SDHAF4: variants seen among roughly 807,000 people sequenced by gnomAD.
SDHAF4 encodes the protein succinate dehydrogenase assembly factor 4, mitochondrial.
A neutral mutation model predicts 14.3 loss-of-function variants in SDHAF4; 14 were observed. That is an observed-to-expected ratio of 0.98 (90% CI 0.65 to 1.53). The LOEUF (loss-of-function observed/expected upper bound fraction) is 1.53, where lower values mean the gene tolerates loss of function less well. Among genes scored for constraint, SDHAF4 ranks in the 40% most tolerant of loss-of-function variants. The pLI is 0.00. For missense variants in SDHAF4, 141 were observed against 129.3 expected (o/e 1.09, Z -0.44); for synonymous variants, 63 against 47.3 (o/e 1.33, Z -1.36).
chr6:70,572,932 G>C (rs924805613), intron 1 of SDHAF4, among the ~76,000 whole-genome samples: 2 of 152,100 alleles, frequency 1.3e-5, no homozygotes, highest in Non-Finnish European at 2.9e-5. Context: ...GTATGTTAAA[G>C]CATTTTCTCT....
chr6:70,570,235 A>T (rs1038239933), intron 1 of SDHAF4, among the ~76,000 whole-genome samples: 1 of 152,198 alleles, frequency 6.6e-6, no homozygotes, highest in African/African-American at 2.4e-5. Context: ...TTACCTTATT[A>T]ATTTAAATAA....
intron 1 of SDHAF4, among the ~76,000 whole-genome samples, chr6:70,575,062 G>A (rs1802235471): frequency 6.6e-6 from 1 of 152,148 alleles, no homozygotes; most frequent in Admixed American, 6.5e-5. Flanking sequence ...TGAAAGCTCT[G>A]TATCCTACGA....
At chr6:70,587,168 T>TCTCACACACACACACACACA (rs1554183341) in intron 2 of SDHAF4, among the ~76,000 whole-genome samples, 1 of 135,448 alleles carries the variant, frequency 7.4e-6, no homozygotes, top group African/African-American at 2.8e-5. Flanking sequence ...TGAAACTCCA[T>TCTCACACACACACACACACA]CACACACACA....
Position 70,588,842 on chromosome 6 carries a change from A to AATATATATATATATATATATATAT in SDHAF4, c.*132_*133insATATATATATATATATATATATAT, listed in dbSNP as rs70990317. 4.5e-3 allele frequency: 1,544 copies of AATATATATATATATATATATATAT among 342,546 alleles called. 40 individuals carry two copies. Among genetic ancestry groups the AATATATATATATATATATATATAT allele is most frequent in the South Asian group, 7.7e-3 (153 of 19,776 alleles). The allele number at this position is 342,546 out of a possible 1,614,324, so 21.2% of individuals were successfully genotyped here. A position where few individuals can be genotyped will look rare whatever the true frequency, so the allele number is the denominator to read the frequency against. ...TCGTGTAGTTTGTATAATGTGTTTA[A>AATATATATATATATATATATATAT]ATATATATATATATGATGGCTTTGG... On this transcript the variant is annotated 3_prime_UTR_variant, in exon 3 of 3. Transcript: ENST00000370474.
chr6:70,569,615 G>A (rs897671836), intron 1 of SDHAF4, among the ~76,000 whole-genome samples: 3 of 152,254 alleles, frequency 2.0e-5, no homozygotes, highest in African/African-American at 7.2e-5. Flanking sequence ...TTTTAGTTAC[G>A]TAAGTGTCAA....
At chr6:70,592,389 C>T (rs1285090864), downstream of SDHAF4, among the ~76,000 whole-genome samples, 4 of 152,124 alleles carry the variant, frequency 2.6e-5, no homozygotes, top group South Asian at 2.1e-4. Flanking sequence ...CTAGAGATTA[C>T]TTAAGTGGTC....
chr6:70,593,589 A>C (rs1423063958), downstream of SDHAF4, among the ~76,000 whole-genome samples: 1 of 152,362 alleles, frequency 6.6e-6, no homozygotes, highest in African/African-American at 2.4e-5. Context: ...AGCCATAGGC[A>C]TGAGATTGCC....
intron 2 of SDHAF4, among the ~76,000 whole-genome samples, chr6:70,587,353 A>G (rs12189779): frequency 0.15 from 22,308 of 151,954 alleles, 2,281 homozygotes; most frequent in East Asian, 0.34. Flanking sequence ...AGCCAGGCAC[A>G]TAGTGGTGTG....
At chr6:70,597,681 A>G in the SDHAF4 span, among the ~76,000 whole-genome samples, 6 of 152,136 alleles carry the variant, frequency 3.9e-5, no homozygotes, top group African/African-American at 1.2e-4. Flanking sequence ...CTCTTCAGAG[A>G]CCTGGATTTT....
intron 1 of SDHAF4, among the ~76,000 whole-genome samples, chr6:70,568,481 T>C (rs996947312): frequency 6.6e-6 from 1 of 152,232 alleles, no homozygotes; most frequent in Non-Finnish European, 1.5e-5. Context: ...GTTTTCATAT[T>C]GTTGATTTTT....
At chr6:70,579,679 A>T in intron 2 of SDHAF4, 113 bp downstream of exon 2, 1 of 822,546 alleles carries the variant, frequency 1.2e-6, no homozygotes, top group Non-Finnish European at 1.8e-6. Flanking sequence ...CTGTAGTAAT[A>T]AAGCATATTT....
intron 1 of SDHAF4, among the ~76,000 whole-genome samples, chr6:70,572,776 A>G (rs1447608067): frequency 6.6e-6 from 1 of 152,056 alleles, no homozygotes; most frequent in East Asian, 1.9e-4. Flanking sequence ...AATTACTGAT[A>G]AAATTACATT....
chr6:70,577,345 T>C (rs1334705613), intron 1 of SDHAF4, among the ~76,000 whole-genome samples: 1 of 151,494 alleles, frequency 6.6e-6, no homozygotes, highest in African/African-American at 2.4e-5. Flanking sequence ...AGCTAGAACT[T>C]GTACTCAAAT....
chr6:70,579,077 G>A (rs916791516), intron 1 of SDHAF4, among the ~76,000 whole-genome samples: 2 of 152,192 alleles, frequency 1.3e-5, no homozygotes, highest in African/African-American at 4.8e-5. Flanking sequence ...ACTAAATATT[G>A]TCATTGAAAA....
chr6:70,587,820 A>G (rs1280438439), intron 2 of SDHAF4, among the ~76,000 whole-genome samples: 2 of 152,206 alleles, frequency 1.3e-5, no homozygotes, highest in Non-Finnish European at 1.5e-5. Context: ...ATGAACACAT[A>G]GTACTAAGAA....
chr6:70,574,222 A>G (rs1296924527), intron 1 of SDHAF4, among the ~76,000 whole-genome samples: 2 of 151,888 alleles, frequency 1.3e-5, no homozygotes, highest in Non-Finnish European at 2.9e-5. Context: ...TGGGAGGCTG[A>G]GGCAGGAGAA....
chr6:70,566,952 G>C lies in SDHAF4; in HGVS notation c.12G>C (p.Ser4=), dbSNP rs768121763. MTP[S]RLPWLLSWVS... Reference sequence around the variant, plus strand: ...GGGGAGTCGGCGCCATGACCCCATCGAGGCTTCCCTGGTTGCTTAGCTGGG... The same window carrying C: ...GGGGAGTCGGCGCCATGACCCCATCCAGGCTTCCCTGGTTGCTTAGCTGGG... The change falls in exon 1 of 3, where the codon TCG becomes TCC. Residue 4 remains serine (S), a synonymous_variant. Transcript: ENST00000370474. The C allele has an allele frequency of 3.3e-5, 52 of 1,588,612 alleles. No individual in the cohort carries two copies. The highest frequency in any genetic ancestry group is 4.4e-5 in the Non-Finnish European group (51 of 1,167,726).
intron 1 of SDHAF4, chr6:70,567,360 G>T: frequency 3.7e-6 from 1 of 271,850 alleles, no homozygotes. Flanking sequence ...GGAAAAGAAG[G>T]CCCTTTGGGA....
intron 1 of SDHAF4, among the ~76,000 whole-genome samples, chr6:70,571,032 T>G (rs2128533601): frequency 6.6e-6 from 1 of 152,342 alleles, no homozygotes; most frequent in South Asian, 2.1e-4. Flanking sequence ...AATATGGTAT[T>G]AGCTACAGTT....
Sources: allele counts gnomAD v4.1 joint callset (sites outside exome capture counted in the v4.1 genomes callset), GRCh38; gene constraint gnomAD v4.1.1; transcripts MANE v1.5; gene names NCBI Gene and HGNC (gene_info 2026-07-23, HGNC 2026-07-21).